The following NPAT variants were observed in gnomAD, a reference collection of about 807,000 sequenced individuals.
The protein encoded by NPAT is nuclear protein, coactivator of histone transcription, also known as protein NPAT.
A neutral mutation model predicts 130.7 loss-of-function variants in NPAT; 52 were observed. That is an observed-to-expected ratio of 0.40 (90% CI 0.32 to 0.50). NPAT has a LOEUF of 0.50. Among genes scored for constraint, NPAT ranks in the 20% least tolerant of loss-of-function variants. The pLI is 0.68. For missense variants in NPAT, 1,687 were observed against 1,662.6 expected, an observed-to-expected ratio of 1.01 and a Z score of -0.26; for synonymous variants, 580 against 584.8, an observed-to-expected ratio of 0.99 and a Z score of 0.12.
chr11:108,168,378 A>G lies in NPAT; in HGVS notation c.3010+1366T>C, dbSNP rs1272058289. ...GGCCATTAAAAGGAATGAACTAGTT[A>G]TAAGAAAGAACATAAAAATAATATA... On this transcript the variant is annotated intron_variant, in intron 15 of 17. Transcript: ENST00000278612. Among the ~76,000 whole-genome samples, 4 of 152,358 alleles carry G rather than the reference A, an allele frequency of 2.6e-5. No homozygotes were observed. In the East Asian group the frequency reaches 7.7e-4, roughly 29 times the overall value.
intron 1 of NPAT, chr11:108,208,396 C>T (rs2134890942): frequency 6.6e-6 from 3 of 452,668 alleles, no homozygotes; most frequent in South Asian, 4.7e-5. Context: ...TCAAGACCAT[C>T]CCGGGAAACC....
chr11:108,213,300 C>G (rs973587986), intron 1 of NPAT, among the ~76,000 whole-genome samples: 11 of 152,080 alleles, frequency 7.2e-5, no homozygotes, highest in African/African-American at 2.4e-4. Context: ...AAAACAAAAA[C>G]TATTAGAGCT....
At chr11:108,189,876 A>C (rs968387063) in intron 5 of NPAT, among the ~76,000 whole-genome samples, 1 of 151,454 alleles carries the variant, frequency 6.6e-6, no homozygotes, top group Non-Finnish European at 1.5e-5. Flanking sequence ...TCTCAAAAAA[A>C]AAAAAAAACA....
At chr11:108,162,722 C>T (rs771132224) in intron 15 of NPAT, among the ~76,000 whole-genome samples, 1 of 152,336 alleles carries the variant, frequency 6.6e-6, no homozygotes, top group Non-Finnish European at 1.5e-5. Flanking sequence ...TGAACCACCG[C>T]GCCCGGTTCA....
chr11:108,194,412 T>C (rs2078200693), intron 2 of NPAT, among the ~76,000 whole-genome samples: 2 of 152,252 alleles, frequency 1.3e-5, no homozygotes, highest in South Asian at 4.1e-4. Flanking sequence ...ATTATTATGT[T>C]TATTTGTATC....
intron 3 of NPAT, among the ~76,000 whole-genome samples, chr11:108,193,519 A>G (rs1364682300): frequency 1.3e-5 from 2 of 152,176 alleles, no homozygotes; most frequent in Non-Finnish European, 2.9e-5. Flanking sequence ...TGAGGTCGGG[A>G]GTTCGAGACC....
intron 1 of NPAT, among the ~76,000 whole-genome samples, chr11:108,204,887 C>A (rs916277956): frequency 3.3e-5 from 5 of 152,268 alleles, no homozygotes; most frequent in Admixed American, 2.0e-4. Flanking sequence ...ATCAATTTTA[C>A]CAACAAAAGC....
chr11:108,178,303 T>C (rs1325925444), intron 10 of NPAT, among the ~76,000 whole-genome samples: 1 of 152,142 alleles, frequency 6.6e-6, no homozygotes, highest in Non-Finnish European at 1.5e-5. Flanking sequence ...TTAGTTCTTT[T>C]GAGTTAGATT....
chr11:108,164,690 GGCT>G (rs2077884432), intron 15 of NPAT, among the ~76,000 whole-genome samples: 1 of 152,116 alleles, frequency 6.6e-6, no homozygotes, highest in African/African-American at 2.4e-5. Context: ...AGGAGAGGTT[GGCT>G]GAAGTAAAAA....
At chr11:108,175,538 C>T (rs773124757) in intron 12 of NPAT, among the ~76,000 whole-genome samples, 1 of 152,152 alleles carries the variant, frequency 6.6e-6, no homozygotes, top group Non-Finnish European at 1.5e-5. Flanking sequence ...TCACTTTGTA[C>T]AGGGAAGAAC....
intron 13 of NPAT, among the ~76,000 whole-genome samples, chr11:108,170,628 C>A (rs1223171706): frequency 6.6e-6 from 1 of 152,194 alleles, no homozygotes; most frequent in Admixed American, 6.5e-5. Flanking sequence ...GTAATTTAGT[C>A]CTGTCCATAA....
chr11:108,205,658 T>C (rs2078318551), intron 1 of NPAT, among the ~76,000 whole-genome samples: 1 of 152,230 alleles, frequency 6.6e-6, no homozygotes, highest in African/African-American at 2.4e-5. Flanking sequence ...AATTAGTTGC[T>C]AGCAGATTTT....
chr11:108,218,701 G>A (rs560840981), intron 1 of NPAT, among the ~76,000 whole-genome samples: 11 of 152,368 alleles, frequency 7.2e-5, no homozygotes, highest in African/African-American at 2.6e-4. Context: ...GAAATTATGT[G>A]ATGTTTGAAG....
Position 108,173,857 on chromosome 11 carries a change from A to G in NPAT, c.1133-6T>C, listed in dbSNP as rs553359845. 22 of 1,612,814 alleles carry G rather than the reference A, an allele frequency of 1.4e-5. No individual in the cohort carries two copies. The Admixed American group carries it at 3.7e-4, about 27-fold the overall frequency. Reference sequence around the variant, plus strand: ...GGGCTGACCAGACTGACCATCTGCAAAGTATCAGGCAGGTAGACAGATATG... The same window carrying G: ...GGGCTGACCAGACTGACCATCTGCAGAGTATCAGGCAGGTAGACAGATATG... On this transcript the variant is annotated splice_region_variant and splice_polypyrimidine_tract_variant and intron_variant, in intron 12 of 17. Transcript: ENST00000278612.
In NPAT at chr11:108,185,467, T is replaced by C. The variant is rs773028714; in HGVS notation, c.754A>G (p.Lys252Glu). The C allele has an allele frequency of 3.1e-6, 5 of 1,611,874 alleles. No homozygotes were observed. Among genetic ancestry groups the C allele is most frequent in the Non-Finnish European group, 4.2e-6 (5 of 1,178,522 alleles). ...TGAAGAGATTTGTTGCTTAGTATTT[T>C]TTCTCGTGCATTTTCAATAACCATT... ...KQMVIENAREKILSNKSLQEK... is the reference protein window; with the variant it reads ...KQMVIENAREEILSNKSLQEK... The change falls in exon 9 of 18, where the codon AAA (lysine) becomes GAA (glutamate). Residue 252 changes from lysine (K) to glutamate (E), a missense_variant. By Grantham distance (56) the Lys-to-Glu change is moderately conservative. This residue lies in a region of NPAT where 307 missense variants were observed against 298.9 expected (regional missense o/e 1.03). Coordinates refer to ENST00000278612, the MANE Select transcript of NPAT (RefSeq NM_002519.3).
chr11:108,170,115 C>A, intron 13 of NPAT, 72 bp from the exon 14 acceptor site: 2 of 863,150 alleles, frequency 2.3e-6, no homozygotes, highest in South Asian at 1.3e-5. Flanking sequence ...AAATGTTTGG[C>A]ACAAATTAAT....
At chr11:108,183,798 A>G (rs2134853937) in intron 10 of NPAT, among the ~76,000 whole-genome samples, 1 of 152,154 alleles carries the variant, frequency 6.6e-6, no homozygotes, top group East Asian at 1.9e-4. Context: ...CCACCTCAAA[A>G]AACAAAACCA....
chr11:108,222,502 A>C lies in NPAT; in HGVS notation c.35T>G (p.Leu12Trp), dbSNP rs2078538023. ...CTCCATCCCGCGTCCGCGCTTACCC[A>C]ATACAAGCCGGGCTACGTCCGAGGG... ...LLPSDVARLV[L>W]GYLQQENLIS... Residue 12 changes from leucine (L) to tryptophan (W), a missense_variant and splice_region_variant, in exon 1 of 18, where the codon TTG becomes TGG. By Grantham distance (61) the Leu-to-Trp change is moderately conservative (BLOSUM62 -2). This residue lies in a region of NPAT where 307 missense variants were observed against 298.9 expected (regional missense o/e 1.03). Transcript: ENST00000278612. The C allele has an allele frequency of 6.2e-7, 1 of 1,613,678 alleles. No individual in the cohort carries two copies. The highest frequency in any genetic ancestry group is 8.5e-7 in the Non-Finnish European group (1 of 1,179,878).
intron 1 of NPAT, among the ~76,000 whole-genome samples, chr11:108,218,134 A>G (rs1276201575): frequency 1.3e-5 from 2 of 152,248 alleles, no homozygotes; most frequent in Non-Finnish European, 2.9e-5. Flanking sequence ...AGAATAAAAG[A>G]AGTGTATTTT....
Sources: allele counts gnomAD v4.1 joint callset (sites outside exome capture counted in the v4.1 genomes callset), GRCh38; gene constraint gnomAD v4.1.1; regional missense constraint gnomAD v4.1.1; transcripts MANE v1.5; gene names NCBI Gene and HGNC (gene_info 2026-07-23, HGNC 2026-07-21).